Variants in CERS6 observed in about 807,000 individuals in gnomAD.
The protein encoded by CERS6 is ceramide synthase 6.
A neutral mutation model predicts 56.8 loss-of-function variants in CERS6; 26 were observed. The ratio of observed to expected loss-of-function variants is 0.46; its 90% CI spans 0.34 to 0.63. The LOEUF (loss-of-function observed/expected upper bound fraction) is 0.63. Among genes scored for constraint, CERS6 ranks in the 30% least tolerant of loss-of-function variants. CERS6 has a pLI of 0.01. For synonymous variants in CERS6, 164 were observed against 173.3 expected (o/e 0.95, Z 0.42); for missense variants, 415 against 467.5 (o/e 0.89, Z 1.04).
chr2:168,566,896 A>T (rs1695893765), intron 3 of CERS6, among the ~76,000 whole-genome samples: 1 of 151,864 alleles, frequency 6.6e-6, no homozygotes, highest in Non-Finnish European at 1.5e-5. Context: ...TTCAATTTTG[A>T]TTATTTTCTC....
At chr2:168,700,163 C>G (rs563666454) in intron 6 of CERS6, among the ~76,000 whole-genome samples, 2 of 152,312 alleles carry the variant, frequency 1.3e-5, no homozygotes, top group Non-Finnish European at 2.9e-5. Context: ...TTAAGTCTAG[C>G]AAGAAACTTA....
chr2:168,559,730 G>GTAATATATATATATATATATATATATA (rs1558997887), intron 2 of CERS6, among the ~76,000 whole-genome samples: 2 of 7,844 alleles, frequency 2.5e-4, no homozygotes, highest in African/African-American at 8.5e-4. Context: ...TTTTAGAAAG[G>GTAATATATATATATATATATATATATA]TATCATATAT....
intron 8 of CERS6, among the ~76,000 whole-genome samples, chr2:168,745,757 GA>G (rs764590098): frequency 1.3e-5 from 2 of 152,168 alleles, no homozygotes; most frequent in Admixed American, 1.3e-4. Flanking sequence ...GTTCAGTGTA[GA>G]ATGTCCATCT....
Position 168,456,478 on chromosome 2 carries a change from CGA to C in CERS6, c.34_35del (p.Arg12ValfsTer24). 6.2e-7 allele frequency: 1 copy of C among 1,613,896 alleles called. No individual in the cohort carries two copies. Among genetic ancestry groups the C allele is most frequent in the Non-Finnish European group, 8.5e-7 (1 of 1,179,850 alleles). On this transcript the variant is annotated frameshift_variant, in exon 1 of 10. Coordinates refer to ENST00000305747, the MANE Select transcript of CERS6 (RefSeq NM_203463.3). LOFTEE classifies it high-confidence loss of function. The surrounding 1 kb of genome is among the most constrained non-coding windows in gnomAD (Gnocchi z 4.1). ...CAGGGATCTTAGCCTGGTTCTGGAA[CGA>C]GAGGTTTTGGCTCCCGCACAATGTC... The part of the protein sequence containing the change: MAGILAWFWN[E>X]RFWLPHNVTW...
rs375528266 is a variant in CERS6, at chr2:168,770,752, A to G, written c.*1090A>G. Reference sequence around the variant, plus strand: ...TATTTTGCTGAGCAAAATAAAGCCAATGGGAGAAAGACTATTTTACCCTTT... The same window carrying G: ...TATTTTGCTGAGCAAAATAAAGCCAGTGGGAGAAAGACTATTTTACCCTTT... On this transcript the variant is annotated 3_prime_UTR_variant, in exon 10 of 10. Coordinates refer to ENST00000305747, the MANE Select transcript of CERS6 (RefSeq NM_203463.3). 1.6e-4 allele frequency: 24 copies of G among 152,750 alleles called. No homozygotes were observed. The East Asian group carries it at 3.1e-3, about 20-fold the overall frequency. The allele number at this position is 152,750 out of a possible 1,614,324, so 9.5% of individuals were successfully genotyped here.
intron 8 of CERS6, among the ~76,000 whole-genome samples, chr2:168,733,675 G>A (rs560427921): frequency 6.6e-6 from 1 of 152,334 alleles, no homozygotes; most frequent in East Asian, 1.9e-4. Flanking sequence ...AGCACAGGAG[G>A]AAGACTGAAT....
chr2:168,688,705 A>G (rs1158744726), intron 4 of CERS6, among the ~76,000 whole-genome samples: 1 of 152,220 alleles, frequency 6.6e-6, no homozygotes, highest in East Asian at 1.9e-4. Context: ...ATATTCCTAA[A>G]TGATTGGCCA....
Position 168,561,299 on chromosome 2 carries a change from G to A in CERS6, c.384G>A (p.Thr128=), listed in dbSNP as rs556558587. The change falls in exon 3 of 10, where the codon ACG becomes ACA. Residue 128 remains threonine (T), a synonymous_variant. Coordinates refer to ENST00000305747, the MANE Select transcript of CERS6 (RefSeq NM_203463.3). The part of the protein sequence containing the change: ...RQRRNQEKPS[T]LTRFCESMWR... The stretch of plus-strand genomic sequence containing the variant: ...GACGCAATCAGGAGAAGCCAAGCAC[G>A]CTGACGAGGTTCTGTGAGAGCATGT... 8 of 1,614,012 alleles carry A rather than the reference G, an allele frequency of 5.0e-6. No individual in the cohort carries two copies. In the South Asian group the frequency reaches 6.6e-5, roughly 13 times the overall value.
At chr2:168,561,465 A>G (rs1160681220) in intron 3 of CERS6, 143 bp downstream of exon 3, 1 of 833,080 alleles carries the variant, frequency 1.2e-6, no homozygotes, top group Non-Finnish European at 1.8e-6. Context: ...AAAACACAGG[A>G]AACAGTAGTT....
intron 1 of CERS6, among the ~76,000 whole-genome samples, chr2:168,469,111 T>A (rs1216761624): frequency 2.0e-5 from 3 of 152,150 alleles, no homozygotes; most frequent in Non-Finnish European, 4.4e-5. Context: ...ACATTCAAAA[T>A]TAGCTGAAAA....
At chr2:168,464,157 T>C (rs541147835) in intron 1 of CERS6, among the ~76,000 whole-genome samples, 21 of 145,444 alleles carry the variant, frequency 1.4e-4, no homozygotes, top group Non-Finnish European at 2.9e-4. Flanking sequence ...TTTTCTCTGG[T>C]CACATATTTA....
chr2:168,653,240 A>G (rs1685388360), intron 4 of CERS6, among the ~76,000 whole-genome samples: 1 of 152,086 alleles, frequency 6.6e-6, no homozygotes, highest in Admixed American at 6.6e-5. Context: ...TCCAATTGAA[A>G]CCCTGAAGGG....
chr2:168,547,616 C>T lies in CERS6; in HGVS notation c.191C>T (p.Ala64Val). ...IFERFVAKPC[A>V]IALNIQANGP... ...TTTAGATTTGTAGCCAAACCGTGCG[C>T]CATAGCCCTCAACATTCAGGCCAAT... The change falls in exon 2 of 10, where the codon GCC becomes GTC. Residue 64 changes from alanine (A) to valine (V), a missense_variant. Coordinates refer to ENST00000305747, the MANE Select transcript of CERS6 (RefSeq NM_203463.3). 1 of 1,613,704 alleles carries T rather than the reference C, an allele frequency of 6.2e-7. No individual in the cohort carries two copies. Among genetic ancestry groups the T allele is most frequent in the Non-Finnish European group, 8.5e-7 (1 of 1,179,592 alleles).
chr2:168,540,732 G>A (rs1294557613), intron 1 of CERS6, among the ~76,000 whole-genome samples: 3 of 152,176 alleles, frequency 2.0e-5, no homozygotes, highest in African/African-American at 7.2e-5. Flanking sequence ...GAAGAGCATT[G>A]TATTTCAAAT....
intron 3 of CERS6, among the ~76,000 whole-genome samples, chr2:168,586,656 G>A (rs370779622): frequency 2.1e-4 from 32 of 152,114 alleles, no homozygotes; most frequent in South Asian, 1.9e-3. Flanking sequence ...AGTTTCACAC[G>A]TTGTCATTGG....
At chr2:168,559,734 C>CTATATAT (rs1695752127) in intron 2 of CERS6, among the ~76,000 whole-genome samples, 3 of 85,508 alleles carry the variant, frequency 3.5e-5, no homozygotes, top group Non-Finnish European at 7.5e-5. Flanking sequence ...AGAAAGGTAT[C>CTATATAT]ATATATATAT....
At chr2:168,528,407 GC>G (rs1308854719) in intron 1 of CERS6, among the ~76,000 whole-genome samples, 6 of 152,184 alleles carry the variant, frequency 3.9e-5, no homozygotes, top group Admixed American at 6.5e-5. Context: ...AGGGCTGGTG[GC>G]TGTTCCTACC....
chr2:168,644,326 G>A (rs1685121101), intron 4 of CERS6: 2 of 985,194 alleles, frequency 2.0e-6, no homozygotes, highest in Non-Finnish European at 2.4e-6. Flanking sequence ...AAAGTGGTAA[G>A]TCTGGAATGT....
At chr2:168,672,010 A>G (rs924295366) in intron 4 of CERS6, among the ~76,000 whole-genome samples, 5 of 152,234 alleles carry the variant, frequency 3.3e-5, no homozygotes, top group Non-Finnish European at 2.9e-5. Flanking sequence ...TAAGTTTTCT[A>G]GATAATACTT....
Sources: allele counts gnomAD v4.1 joint callset (sites outside exome capture counted in the v4.1 genomes callset), GRCh38; gene constraint gnomAD v4.1.1; non-coding constraint Gnocchi (gnomAD v3.1); transcripts MANE v1.5; gene names NCBI Gene and HGNC (gene_info 2026-07-23, HGNC 2026-07-21).